Variants in DUOX2 observed in about 807,000 individuals in gnomAD.
DUOX2 encodes the protein NADH/NADPH thyroid oxidase p138-tox.
DUOX2 carries 185 observed loss-of-function variants against 183.3 expected under a neutral mutation model. The observed-to-expected ratio is 1.01, with a 90% CI of 0.90 to 1.14. The LOEUF (loss-of-function observed/expected upper bound fraction) is 1.14. Among genes scored for constraint, DUOX2 ranks in the 50% most tolerant of loss-of-function variants. The probability of loss-of-function intolerance (pLI) is 0.00; values close to 1 mark genes in which losing one functional copy is unlikely to be tolerated. For missense variants in DUOX2, 1,999 were observed against 2,022.9 expected (o/e 0.99, Z 0.23); for synonymous variants, 788 against 812.4 (o/e 0.97, Z 0.51).
At chr15:45,110,745 T>C (rs764615073) in intron 7 of DUOX2, 35 bp from the exon 8 acceptor site, 5 of 1,611,510 alleles carry the variant, frequency 3.1e-6, no homozygotes, top group Non-Finnish European at 4.2e-6. Context: ...GAGGCACAAG[T>C]TGGATGGTGT....
intron 12 of DUOX2, 27 bp from the exon 13 acceptor site, chr15:45,108,249 G>C: frequency 1.2e-6 from 2 of 1,613,456 alleles, no homozygotes; most frequent in Non-Finnish European, 1.7e-6. Context: ...GATAAGGGGT[G>C]AGCGTATGTT....
chr15:45,098,873 T>C (rs149501744), intron 26 of DUOX2, among the ~76,000 whole-genome samples: 1 of 152,092 alleles, frequency 6.6e-6, no homozygotes, highest in Non-Finnish European at 1.5e-5. Flanking sequence ...CCCGCTAATC[T>C]TTTTACTTTT....
Position 45,097,268 on chromosome 15 carries a change from T to C in DUOX2, c.3817A>G (p.Ser1273Gly), listed in dbSNP as rs1257893647. The C allele has an allele frequency of 6.2e-7, 1 of 1,614,138 alleles. No individual in the cohort carries two copies. ...GGCAGCAGCTCCGCCTTCACCACGC[T>C]GATCTCCACCTTCTTCCGGCTCAGG... ...VSLSRKKVEI[S>G]VVKAELLPSG... The change falls in exon 29 of 34, where the codon AGC becomes GGC. Residue 1273 changes from serine to glycine, a missense_variant. By Grantham distance (56) the Ser-to-Gly change is moderately conservative. This residue lies in a region of DUOX2 where 1,628 missense variants were observed against 1,608.6 expected (regional missense o/e 1.01). Transcript: ENST00000389039.
At position 45,109,917 on chromosome 15, in the gene DUOX2, C is replaced by CCTGAGAGCTTGGGAGCTTT. The variant is rs1595527456; in HGVS notation, c.1085_1103dup (p.Val369LysfsTer27). ...CCCGAATCCAGTAGTTGTTGCAGAC[C>CCTGAGAGCTTGGGAGCTTT]CTGAGAGCTTGGGAGCTTTGAAAAC... On this transcript the variant is annotated frameshift_variant, in exon 10 of 34. Transcript: ENST00000389039. LOFTEE classifies it high-confidence loss of function. The CCTGAGAGCTTGGGAGCTTT allele has an allele frequency of 1.2e-5, 20 of 1,613,984 alleles. No homozygotes were observed. The highest frequency in any genetic ancestry group is 1.7e-5 in the Non-Finnish European group (20 of 1,180,020).
Position 45,112,018 on chromosome 15 carries a change from G to A in DUOX2, c.326-63C>T, listed in dbSNP as rs1595529303. On this transcript the variant is annotated intron_variant, in intron 4 of 33. Transcript: ENST00000389039. ...GTATTGCGCCCTCCCCACGGCCAGG[G>A]CGGCCTCCAAGTGTCCTCAGGAGCC... is the stretch of plus-strand genomic sequence containing the variant. 15 of 1,583,532 alleles carry A rather than the reference G, an allele frequency of 9.5e-6. No individual in the cohort carries two copies. In the East Asian group the frequency reaches 2.8e-4, roughly 29 times the overall value.
rs1396514734 is a variant in DUOX2 at position 45,104,386 on chromosome 15, A to C, written c.2335-21T>G. 8 of 1,609,956 alleles carry C rather than the reference A, an allele frequency of 5.0e-6. No individual in the cohort carries two copies. The Admixed American group carries it at 6.7e-5, about 14-fold the overall frequency. On this transcript the variant is annotated intron_variant, in intron 18 of 33. Coordinates refer to ENST00000389039, the MANE Select transcript of DUOX2 (RefSeq NM_001363711.2). ...AGCACCTGCACTCGGGCAGCAGCAG[A>C]GGGAGGGAAAGAGAAGGAGGTGAAG...
intron 12 of DUOX2, 54 bp downstream of exon 12, chr15:45,108,735 C>G (rs993809364): frequency 6.4e-7 from 1 of 1,569,686 alleles, no homozygotes; most frequent in Non-Finnish European, 8.8e-7. Flanking sequence ...GGGTTTGGAA[C>G]AGTATTGCCA....
chr15:45,113,271 C>G (rs1021987598), intron 2 of DUOX2, 71 bp downstream of exon 2: 1 of 1,525,812 alleles, frequency 6.6e-7, no homozygotes, highest in South Asian at 1.2e-5. Flanking sequence ...AGCCGCTTGC[C>G]GCACCTCTCC....
rs755970353 is a variant in DUOX2, at chr15:45,109,663, C to T, written c.1132-37G>A. On this transcript the variant is annotated intron_variant, in intron 10 of 33. Transcript: ENST00000389039. ...CAATGCACTCAAGATAGGCCTCTAC[C>T]CAAAACTCGGTCTCTCTCAGCCTGG... is the stretch of plus-strand genomic sequence containing the variant. 3.1e-6 allele frequency: 5 copies of T among 1,605,208 alleles called. No individual in the cohort carries two copies. In the South Asian group the frequency reaches 5.5e-5, roughly 18 times the overall value.
rs1051588565 is a variant in DUOX2, at chr15:45,093,042, C to T, written c.*1108G>A. On this transcript the variant is annotated 3_prime_UTR_variant, in exon 34 of 34. Transcript: ENST00000389039. The stretch of plus-strand genomic sequence containing the variant: ...ACATGTACATGATTATTTATTATAC[C>T]TCGATGTAAAATATTTTACAGCTCA... 2.6e-5 allele frequency: 4 copies of T among 152,082 alleles called. No individual in the cohort carries two copies. The highest frequency in any genetic ancestry group is 7.2e-5 in the African/African-American group (3 of 41,416). 9.4% of individuals were successfully genotyped at this position (152,082 alleles called of 1,614,324 possible). A position where few individuals can be genotyped will look rare whatever the true frequency, so the allele number is the denominator to read the frequency against.
At chr15:45,099,922 G>T in intron 24 of DUOX2, 30 bp from the exon 25 acceptor site, 2 of 1,613,000 alleles carry the variant, frequency 1.2e-6, no homozygotes, top group South Asian at 1.1e-5. Flanking sequence ...ACATCAGCTT[G>T]GCACAGGTGG....
chr15:45,110,441 C>G lies in DUOX2; in HGVS notation c.1027G>C (p.Gly343Arg). ...CCCCTCCCTCACCTCATGTAGACAC[C>G]AGGGGGCACCATGGTAGAGAAGAAC... The part of the protein sequence containing the change: ...EQFFSTMVPP[G>R]VYMRNASCHF... Residue 343 changes from glycine to arginine, a missense_variant, in exon 9 of 34, where the codon GGT (glycine) becomes CGT (arginine). By Grantham distance (125) the Gly-to-Arg change is moderately radical. Coordinates refer to ENST00000389039, the MANE Select transcript of DUOX2 (RefSeq NM_001363711.2). The G allele has an allele frequency of 6.2e-7, 1 of 1,613,884 alleles. No homozygotes were observed. The highest frequency in any genetic ancestry group is 8.5e-7 in the Non-Finnish European group (1 of 1,179,902).
chr15:45,109,472 T>A, intron 11 of DUOX2, 52 bp downstream of exon 11: 1 of 1,537,520 alleles, frequency 6.5e-7, no homozygotes, highest in Non-Finnish European at 9.0e-7. Flanking sequence ...CCCAGAGGGA[T>A]CCTCAGGCTT....
At position 45,111,944 on chromosome 15, in the gene DUOX2, G is replaced by T. The variant is rs564054264; in HGVS notation, c.337C>A (p.Leu113Ile). 1.2e-6 allele frequency: 2 copies of T among 1,613,640 alleles called. No individual in the cohort carries two copies. The highest frequency in any genetic ancestry group is 1.3e-5 in the African/African-American group (1 of 75,064). The change falls in exon 5 of 34, where the codon CTT becomes ATT. Residue 113 changes from leucine (L) to isoleucine (I), a missense_variant. Transcript: ENST00000389039. ...GTTTCCACGCTCACCACGTCGGAAA[G>T]AACATGGTAGCCTGCGGGCATGGGG... is the stretch of plus-strand genomic sequence containing the variant. ...VLGVFFGYHVLSDVVSVETPG... is the reference protein window; with the variant it reads ...VLGVFFGYHVISDVVSVETPG...
chr15:45,094,977 T>G lies in DUOX2; in HGVS notation c.4354A>C (p.Thr1452Pro). Reference sequence around the variant, plus strand: ...AGGTCGAACTTCTCAGCCAGCTGGGTGACATAAATGTGCACAGACACCAGG... The same window carrying G: ...AGGTCGAACTTCTCAGCCAGCTGGGGGACATAAATGTGCACAGACACCAGG... ...QDLVSVHIYV[T>P]QLAEKFDLRT... The change falls in exon 32 of 34, where the codon ACC (threonine) becomes CCC (proline). Residue 1452 changes from threonine to proline, a missense_variant. By Grantham distance (38) the Thr-to-Pro change is conservative. This residue lies in a region of DUOX2 where 1,628 missense variants were observed against 1,608.6 expected (regional missense o/e 1.01). Transcript: ENST00000389039. 1 of 1,614,070 alleles carries G rather than the reference T, an allele frequency of 6.2e-7. No individual in the cohort carries two copies. Among genetic ancestry groups the G allele is most frequent in the Non-Finnish European group, 8.5e-7 (1 of 1,179,986 alleles).
Position 45,095,925 on chromosome 15 carries a change from G to A in DUOX2, c.3983C>T (p.Thr1328Ile), listed in dbSNP as rs564305753. ...CACTGCCCGGATGTGCAGGCTGAGT[G>A]TGTCCTCATGGGGCGCGGAGGTCAG... is the stretch of plus-strand genomic sequence containing the variant. The part of the protein sequence containing the change: ...FTLTSAPHED[T>I]LSLHIRAVGP... The change falls in exon 30 of 34, where the codon ACA becomes ATA. Residue 1328 changes from threonine (T) to isoleucine (I), a missense_variant. By Grantham distance (89) the Thr-to-Ile change is moderately conservative. Coordinates refer to ENST00000389039, the MANE Select transcript of DUOX2 (RefSeq NM_001363711.2). The A allele has an allele frequency of 5.6e-6, 9 of 1,614,044 alleles. No homozygotes were observed. In the Admixed American group the frequency reaches 1.3e-4, roughly 24 times the overall value.
intron 13 of DUOX2, among the ~76,000 whole-genome samples, chr15:45,107,815 C>T (rs1486684396): frequency 8.0e-6 from 1 of 125,326 alleles, no homozygotes; most frequent in Non-Finnish European, 1.6e-5. Context: ...CACGCCACTG[C>T]ACTCCAGCCT....
chr15:45,107,119 C>A, intron 14 of DUOX2, 150 bp from the exon 15 acceptor site: 2 of 1,295,208 alleles, frequency 1.5e-6, no homozygotes, highest in South Asian at 1.3e-5. Flanking sequence ...AGTCCCCATT[C>A]ATTTCCTGTC....
At chr15:45,099,603 T>C in intron 25 of DUOX2, 59 bp downstream of exon 25, 2 of 1,601,860 alleles carry the variant, frequency 1.2e-6, no homozygotes, top group East Asian at 2.2e-5. Flanking sequence ...TCCCCACTGT[T>C]TCCCCCAACT....
Sources: allele counts gnomAD v4.1 joint callset (sites outside exome capture counted in the v4.1 genomes callset), GRCh38; gene constraint gnomAD v4.1.1; regional missense constraint gnomAD v4.1.1; transcripts MANE v1.5; gene names NCBI Gene and HGNC (gene_info 2026-07-23, HGNC 2026-07-21).